Variants in TSGA10IP observed in about 807,000 individuals in gnomAD.
TSGA10IP encodes testis-specific protein 10-interacting protein.
TSGA10IP carries 64 observed loss-of-function variants against 63.2 expected under a neutral mutation model. The ratio of observed to expected loss-of-function variants is 1.01; its 90% CI spans 0.83 to 1.25. The LOEUF (loss-of-function observed/expected upper bound fraction) is 1.25, where lower values mean the gene tolerates loss of function less well. Among genes scored for constraint, TSGA10IP ranks in the 50% most tolerant of loss-of-function variants. The pLI is 0.00. For missense variants in TSGA10IP, 681 were observed against 710.1 expected, an observed-to-expected ratio of 0.96 and a Z score of 0.47; for synonymous variants, 316 against 298.3, an observed-to-expected ratio of 1.06 and a Z score of -0.61.
chr11:65,953,562 C>T lies in TSGA10IP; in HGVS notation c.1152-5C>T, dbSNP rs766454988. The T allele has an allele frequency of 7.0e-6, 11 of 1,576,666 alleles. No individual in the cohort carries two copies. The highest frequency in any genetic ancestry group is 3.4e-5 in the South Asian group (3 of 87,426). ...CTCTCATTCCCCTTCCCTTTCTCAC[C>T]CAAGGAGCCTGCTGCAGGCCTGGGA... On this transcript the variant is annotated splice_region_variant and splice_polypyrimidine_tract_variant and intron_variant, in intron 4 of 7. Coordinates refer to ENST00000532620, the Ensembl canonical transcript of TSGA10IP.
At chr11:65,949,112 G>A (rs1230379058) in intron 4 of TSGA10IP, among the ~76,000 whole-genome samples, 1 of 152,162 alleles carries the variant, frequency 6.6e-6, no homozygotes, top group Non-Finnish European at 1.5e-5. Context: ...GCTGAGTCAG[G>A]AGGATCTCTT....
In TSGA10IP at chr11:65,949,850, GTT is replaced by G. The variant is rs377116599; in HGVS notation, c.1151+1722_1151+1723del. Among the ~76,000 whole-genome samples, 307 of 101,694 alleles carry G rather than the reference GTT, an allele frequency of 3.0e-3. 2 individuals are homozygous for G. Among genetic ancestry groups the G allele is most frequent in the African/African-American group, 0.012 (299 of 25,364 alleles). 66.7% of individuals were successfully genotyped at this position (101,694 alleles called of 152,430 possible). On this transcript the variant is annotated intron_variant, in intron 4 of 7. Transcript: ENST00000532620. ...ACTAATTAACATATGCATTACCTCG[GTT>G]TTTTTTTTTTTTTTTTTTTGAGACA...
In TSGA10IP at chr11:65,959,347, T is replaced by A. The variant is rs761966249; in HGVS notation, c.1547+33T>A. On this transcript the variant is annotated intron_variant, in intron 7 of 7. Transcript: ENST00000532620. Reference sequence around the variant, plus strand: ...TCCCCGTCAGGTCAAGAACTGACTCTGCCATGCTGCTGCGGGAAGGGGCGC... The same window carrying A: ...TCCCCGTCAGGTCAAGAACTGACTCAGCCATGCTGCTGCGGGAAGGGGCGC... The A allele has an allele frequency of 5.0e-6, 8 of 1,606,934 alleles. No homozygotes were observed. In the African/African-American group the frequency reaches 1.1e-4, roughly 21 times the overall value.
intron 6 of TSGA10IP, 36 bp downstream of exon 6, chr11:65,959,018 C>T: frequency 6.2e-7 from 1 of 1,603,696 alleles, no homozygotes; most frequent in Non-Finnish European, 8.5e-7. Flanking sequence ...ATAGCTGCCC[C>T]CTGTGAAGAG....
exon 5 of TSGA10IP, chr11:65,953,577 C>G (rs373937052): frequency 1.3e-6 from 2 of 1,586,630 alleles, no homozygotes; most frequent in African/African-American, 2.7e-5. Flanking sequence ...GAGCCTGCTG[C>G]AGGCCTGGGA....
At chr11:65,955,622 A>G (rs1247195817) in intron 5 of TSGA10IP, among the ~76,000 whole-genome samples, 1 of 152,024 alleles carries the variant, frequency 6.6e-6, no homozygotes, top group Non-Finnish European at 1.5e-5. Context: ...CAAAAAAAAA[A>G]AAAAGAGTTA....
chr11:65,949,880 G>T (rs1854915097), intron 4 of TSGA10IP, among the ~76,000 whole-genome samples: 3 of 102,778 alleles, frequency 2.9e-5, no homozygotes, highest in East Asian at 3.3e-4. Context: ...TTGAGACAGA[G>T]TCTTGCTCTG....
intron 4 of TSGA10IP, 71 bp downstream of exon 4, chr11:65,948,219 C>G (rs764797596): frequency 7.4e-6 from 11 of 1,495,106 alleles, no homozygotes; most frequent in Non-Finnish European, 9.8e-6. Flanking sequence ...CCAAGAGATG[C>G]TTAGGCATTT....
chr11:65,958,881 A>C lies in TSGA10IP; in HGVS notation c.1323-2A>C. On this transcript the variant is annotated splice_acceptor_variant, in intron 5 of 7. Transcript: ENST00000532620. LOFTEE classifies it high-confidence loss of function. ...CTGCACAAAGGCCTGTCTCCCCTGCAGGCGCCAGGAGCGACAGCGCTTTGC... is the reference window on the plus strand; with the variant it reads ...CTGCACAAAGGCCTGTCTCCCCTGCCGGCGCCAGGAGCGACAGCGCTTTGC... The C allele has an allele frequency of 6.2e-7, 1 of 1,611,406 alleles. No individual in the cohort carries two copies. The highest frequency in any genetic ancestry group is 8.5e-7 in the Non-Finnish European group (1 of 1,178,748).
chr11:65,959,953 G>A (rs779181054), exon 8 of TSGA10IP: 18 of 1,612,392 alleles, frequency 1.1e-5, no homozygotes, highest in Non-Finnish European at 1.5e-5. Context: ...TAAAATTAAA[G>A]GCTTTATGGC....
chr11:65,947,177 G>C (rs1565305223), exon 3 of TSGA10IP: 3 of 1,609,942 alleles, frequency 1.9e-6, no homozygotes, highest in Non-Finnish European at 8.5e-7. Flanking sequence ...CATCGCCACA[G>C]ATGTCCGGGC....
At chr11:65,952,408 G>A (rs1441574371) in intron 4 of TSGA10IP, among the ~76,000 whole-genome samples, 2 of 151,734 alleles carry the variant, frequency 1.3e-5, no homozygotes, top group East Asian at 3.9e-4. Flanking sequence ...GTGTCGTTAA[G>A]CTTTCTTTTG....
chr11:65,956,218 A>T (rs531517387), intron 5 of TSGA10IP, among the ~76,000 whole-genome samples: 3 of 149,004 alleles, frequency 2.0e-5, no homozygotes, highest in East Asian at 3.9e-4. Flanking sequence ...GCTCACCGCA[A>T]CCTCTGCCTC....
intron 1 of TSGA10IP, among the ~76,000 whole-genome samples, chr11:65,946,322 G>T (rs532707942): frequency 6.6e-6 from 1 of 152,212 alleles, no homozygotes; most frequent in South Asian, 2.1e-4. Context: ...CCTTGGGAAG[G>T]TTACGTGTGT....
In TSGA10IP at chr11:65,946,879, G is replaced by A; in HGVS notation, c.148-1G>A. 2 of 1,613,562 alleles carry A rather than the reference G, an allele frequency of 1.2e-6. No individual in the cohort carries two copies. Among genetic ancestry groups the A allele is most frequent in the Non-Finnish European group, 1.7e-6 (2 of 1,179,730 alleles). ...GCTCCTCCCCTACTGTCTCTGCCCA[G>A]GGCTGCCTGGGGAGTGGTGATGGTG... is the stretch of plus-strand genomic sequence containing the variant. On this transcript the variant is annotated splice_acceptor_variant, in intron 1 of 7. Coordinates refer to ENST00000532620, the Ensembl canonical transcript of TSGA10IP. LOFTEE classifies it high-confidence loss of function.
intron 5 of TSGA10IP, among the ~76,000 whole-genome samples, chr11:65,956,963 C>T (rs1307656671): frequency 6.6e-6 from 1 of 152,192 alleles, no homozygotes; most frequent in Non-Finnish European, 1.5e-5. Context: ...TAGGTATCTC[C>T]CATGCAGTCT....
At chr11:65,952,451 A>G (rs1039859305) in intron 4 of TSGA10IP, among the ~76,000 whole-genome samples, 4 of 150,138 alleles carry the variant, frequency 2.7e-5, no homozygotes, top group East Asian at 2.0e-4. Flanking sequence ...GTGTGTGTGT[A>G]TGTGTCTGTG....
intron 5 of TSGA10IP, among the ~76,000 whole-genome samples, chr11:65,954,982 A>T (rs1855000541): frequency 1.3e-5 from 2 of 152,254 alleles, no homozygotes; most frequent in Non-Finnish European, 2.9e-5. Flanking sequence ...TGCGCTCAGC[A>T]TCTGCATGCT....
Position 65,959,236 on chromosome 11 carries a change from C to T in TSGA10IP, c.1469C>T (p.Ser490Leu), listed in dbSNP as rs1184206288. The T allele has an allele frequency of 2.5e-6, 4 of 1,609,020 alleles. No homozygotes were observed. The South Asian group carries it at 4.4e-5, about 18-fold the overall frequency. Residue 490 changes from serine (S) to leucine (L), a missense_variant, in exon 7 of 8, where the codon TCA becomes TTA. Physicochemically the swap from Ser to Leu is moderately radical, Grantham distance 145. Transcript: ENST00000532620. ...ACTCGGCGCTTCTCCCAGGTGCTGTCAGCACTGGGGCTGGATGAGGAGCAG... is the reference window on the plus strand; with the variant it reads ...ACTCGGCGCTTCTCCCAGGTGCTGTTAGCACTGGGGCTGGATGAGGAGCAG...
Sources: allele counts gnomAD v4.1 joint callset (sites outside exome capture counted in the v4.1 genomes callset), GRCh38; gene constraint gnomAD v4.1.1; transcripts MANE v1.5; gene names NCBI Gene and HGNC (gene_info 2026-07-23, HGNC 2026-07-21).